Variants in SHISA9 observed in about 807,000 individuals in gnomAD.
SHISA9 encodes shisa family member 9.
In SHISA9, 13 loss-of-function variants were observed where a neutral mutation model predicts 38.0. That is an observed-to-expected ratio of 0.34 (90% CI 0.22 to 0.54). The LOEUF (loss-of-function observed/expected upper bound fraction) is 0.54, where lower values mean the gene tolerates loss of function less well. SHISA9 is among the 20% of genes least tolerant of loss of function. The pLI, the probability that SHISA9 is intolerant of heterozygous loss-of-function variation, is 0.91. For missense variants in SHISA9, 538 were observed against 575.8 expected (o/e 0.93, Z 0.67); for synonymous variants, 275 against 242.0 (o/e 1.14, Z -1.27).
chr16:13,170,071 T>C (rs1235134781), intron 2 of SHISA9, among the ~76,000 whole-genome samples: 1 of 151,734 alleles, frequency 6.6e-6, no homozygotes, highest in African/African-American at 2.4e-5. Flanking sequence ...AGCGTGTTGG[T>C]GTATGCCTGT....
the SHISA9 span, among the ~76,000 whole-genome samples, chr16:13,296,752 G>A: frequency 6.6e-6 from 1 of 151,762 alleles, no homozygotes; most frequent in African/African-American, 2.4e-5. Flanking sequence ...TTAGCTGGGT[G>A]TGGTTGTGGG....
intron 4 of SHISA9, among the ~76,000 whole-genome samples, chr16:13,220,928 G>A (rs969954749): frequency 2.6e-5 from 4 of 152,052 alleles, no homozygotes; most frequent in African/African-American, 9.7e-5. Context: ...GGTACAGGCT[G>A]GACAGCTTTG....
At chr16:13,339,805 C>T in the SHISA9 span, among the ~76,000 whole-genome samples, 5 of 152,168 alleles carry the variant, frequency 3.3e-5, no homozygotes, top group South Asian at 1.0e-3. Flanking sequence ...AGTTAGTTTT[C>T]CATAATGTGG....
chr16:13,501,414 T>C, the SHISA9 span, among the ~76,000 whole-genome samples: 1 of 152,040 alleles, frequency 6.6e-6, no homozygotes, highest in East Asian at 1.9e-4. Flanking sequence ...ATAAGAAAGA[T>C]AAACTTTATG....
At chr16:12,925,897 A>C (rs189147896) in intron 2 of SHISA9, among the ~76,000 whole-genome samples, 4 of 152,022 alleles carry the variant, frequency 2.6e-5, no homozygotes, top group East Asian at 1.9e-4. Context: ...TATTATTATT[A>C]TTCTTTTTAG....
the SHISA9 span, among the ~76,000 whole-genome samples, chr16:13,335,523 T>C: frequency 6.6e-6 from 1 of 152,218 alleles, no homozygotes; most frequent in Non-Finnish European, 1.5e-5. Context: ...TCTTAGAAGA[T>C]GCAAAATTCT....
At position 13,237,114 on chromosome 16, in the gene SHISA9, G is replaced by A. The variant is rs1012195037; in HGVS notation, c.*1705G>A. The A allele has an allele frequency of 1.6e-4, 25 of 152,162 alleles. No individual in the cohort carries two copies. The highest frequency in any genetic ancestry group is 6.0e-4 in the African/African-American group (25 of 41,442). The allele number at this position is 152,162 out of a possible 1,614,324, so 9.4% of individuals were successfully genotyped here. Reference sequence around the variant, plus strand: ...ACCCACAGCAACTCTGGTGTCAGAAGCTATAAATGGTCTGGCCAAACAAGA... The same window carrying A: ...ACCCACAGCAACTCTGGTGTCAGAAACTATAAATGGTCTGGCCAAACAAGA... On this transcript the variant is annotated 3_prime_UTR_variant, in exon 5 of 5. Transcript: ENST00000558583.
the SHISA9 span, among the ~76,000 whole-genome samples, chr16:13,443,923 G>C: frequency 3.3e-5 from 5 of 152,116 alleles, no homozygotes; most frequent in African/African-American, 9.7e-5. Flanking sequence ...GTCCAGCCTA[G>C]AAGTCCAGTA....
chr16:13,062,269 C>A (rs976555948), intron 2 of SHISA9, among the ~76,000 whole-genome samples: 2 of 152,034 alleles, frequency 1.3e-5, no homozygotes, highest in Non-Finnish European at 2.9e-5. Flanking sequence ...ATCTGGTAAC[C>A]CTGGCTGTAG....
At chr16:13,133,171 G>C (rs1351609931) in intron 2 of SHISA9, among the ~76,000 whole-genome samples, 1 of 152,200 alleles carries the variant, frequency 6.6e-6, no homozygotes, top group African/African-American at 2.4e-5. Flanking sequence ...TACAGAGCTA[G>C]GTGGAATCTT....
chr16:13,078,432 G>A (rs1446509756), intron 2 of SHISA9, among the ~76,000 whole-genome samples: 2 of 151,440 alleles, frequency 1.3e-5, no homozygotes, highest in African/African-American at 4.9e-5. Flanking sequence ...TTAAGACAGG[G>A]TCTCATTCTG....
the SHISA9 span, among the ~76,000 whole-genome samples, chr16:13,304,252 G>A: frequency 1.3e-3 from 195 of 152,260 alleles, no homozygotes; most frequent in African/African-American, 3.9e-3. Flanking sequence ...TTCATCACAC[G>A]GAAGTTGCCT....
At chr16:13,055,394 G>C (rs1425245102) in intron 2 of SHISA9, among the ~76,000 whole-genome samples, 1 of 152,136 alleles carries the variant, frequency 6.6e-6, no homozygotes, top group Non-Finnish European at 1.5e-5. Flanking sequence ...GCTTCTCACT[G>C]TCTCTCTGGT....
chr16:13,360,055 C>T, the SHISA9 span, among the ~76,000 whole-genome samples: 53 of 152,256 alleles, frequency 3.5e-4, no homozygotes, highest in African/African-American at 1.1e-3. Context: ...TGGGCTAAAG[C>T]GTGGAAGGAC....
the SHISA9 span, among the ~76,000 whole-genome samples, chr16:13,366,164 G>A: frequency 6.6e-6 from 1 of 152,258 alleles, no homozygotes; most frequent in East Asian, 1.9e-4. Context: ...TTACTGATCT[G>A]TGGACAAAAT....
the SHISA9 span, among the ~76,000 whole-genome samples, chr16:13,547,548 A>C: frequency 6.6e-6 from 1 of 152,214 alleles, no homozygotes. Flanking sequence ...TCCTAGCTCA[A>C]GAAGAGAGAG....
the SHISA9 span, among the ~76,000 whole-genome samples, chr16:13,346,730 A>G: frequency 1.1e-4 from 17 of 152,290 alleles, no homozygotes; most frequent in East Asian, 9.6e-4. Flanking sequence ...AAAATAAACC[A>G]TTCTATTTTA....
At chr16:13,165,488 T>C (rs1248036479) in intron 2 of SHISA9, among the ~76,000 whole-genome samples, 3 of 152,164 alleles carry the variant, frequency 2.0e-5, no homozygotes, top group Non-Finnish European at 4.4e-5. Context: ...TTAAGAAGAG[T>C]TATTTAATAA....
the SHISA9 span, among the ~76,000 whole-genome samples, chr16:13,432,503 T>C: frequency 0.43 from 65,068 of 152,036 alleles, 14,231 homozygotes; most frequent in African/African-American, 0.47. Flanking sequence ...GACAAGGCTC[T>C]AGAGTCATAG....
Sources: gnomAD v4.1 joint callset for allele counts (sites outside exome capture counted in the v4.1 genomes callset) on GRCh38, gnomAD v4.1.1 for gene constraint, MANE v1.5 for transcripts, NCBI Gene and HGNC (gene_info 2026-07-23, HGNC 2026-07-21) for gene names.